The following PC variants were observed in gnomAD, a reference collection of about 807,000 sequenced individuals.
PC encodes pyruvate carboxylase, mitochondrial.
A neutral mutation model predicts 107.8 loss-of-function variants in PC; 46 were observed. That is an observed-to-expected ratio of 0.43 (90% CI 0.34 to 0.55). The LOEUF (loss-of-function observed/expected upper bound fraction) is 0.55. PC is among the 20% of genes least tolerant of loss of function. The probability of loss-of-function intolerance (pLI) is 0.04; values close to 1 mark genes in which losing one functional copy is unlikely to be tolerated. For missense variants in PC, 1,241 were observed against 1,643.1 expected, an observed-to-expected ratio of 0.76 and a Z score of 4.23; for synonymous variants, 662 against 684.7, an observed-to-expected ratio of 0.97 and a Z score of 0.52.
intron 10 of PC, 92 bp downstream of exon 10, chr11:66,868,754 G>A (rs1946602955): frequency 2.1e-6 from 2 of 931,972 alleles, no homozygotes; most frequent in African/African-American, 1.6e-5. Context: ...GAGTGAGCAA[G>A]CCCCCTGGCT....
chr11:66,951,742 T>A (rs902285610), intron 3 of PC, among the ~76,000 whole-genome samples: 2 of 151,604 alleles, frequency 1.3e-5, no homozygotes, highest in African/African-American at 4.8e-5. Flanking sequence ...ATACAAAAAT[T>A]AGCTGGGCAT....
chr11:66,951,046 C>G (rs1949423892), intron 3 of PC, among the ~76,000 whole-genome samples: 1 of 152,120 alleles, frequency 6.6e-6, no homozygotes, highest in African/African-American at 2.4e-5. Context: ...CAGACGGCAC[C>G]TGCTGGCCCA....
At chr11:66,879,444 G>C (rs943803640) in intron 3 of PC, among the ~76,000 whole-genome samples, 4 of 152,244 alleles carry the variant, frequency 2.6e-5, no homozygotes, top group Middle Eastern at 3.2e-3. Context: ...AGGTGTTGCA[G>C]AGAGGGGGGC....
At chr11:66,907,933 T>G (rs1948216993) in intron 3 of PC, 3 of 152,348 alleles carry the variant, frequency 2.0e-5, no homozygotes, top group Admixed American at 2.0e-4. Context: ...TAATCCCCTG[T>G]CAATGACTTT....
chr11:66,911,059 A>G (rs1336318300), intron 3 of PC, among the ~76,000 whole-genome samples: 2 of 152,218 alleles, frequency 1.3e-5, no homozygotes, highest in Non-Finnish European at 2.9e-5. Context: ...GAGGTAACGT[A>G]TTTTTGAAAT....
intron 12 of PC, chr11:66,859,487 A>G (rs1565227736): frequency 3.5e-6 from 5 of 1,446,098 alleles, no homozygotes; most frequent in East Asian, 4.8e-5. Flanking sequence ...TCCTGGCCAC[A>G]CTCTCCAGCC....
Position 66,858,774 on chromosome 11 carries a change from G to A in PC, c.1368+5000C>T. The stretch of plus-strand genomic sequence containing the variant: ...CTTAGAGATTGGGGTGACCGGCGCT[G>A]GGGACGCTGGGGGCTACACCTGCAT... On this transcript the variant is annotated intron_variant, in intron 12 of 22. Coordinates refer to ENST00000393960, the MANE Select transcript of PC (RefSeq NM_001040716.2). This position sits in a 1 kb window ranked among gnomAD's most constrained non-coding sequence, Gnocchi z 5.9. 6.5e-7 allele frequency: 1 copy of A among 1,549,990 alleles called. No homozygotes were observed. The highest frequency in any genetic ancestry group is 1.2e-5 in the South Asian group (1 of 84,368).
intron 12 of PC, 40 bp downstream of exon 12, chr11:66,863,734 G>A: frequency 2.5e-6 from 4 of 1,583,694 alleles, no homozygotes; most frequent in Non-Finnish European, 3.4e-6. Flanking sequence ...GGCCCTCCAA[G>A]GGCCGGGAGC....
rs753274377 is a variant in PC, at chr11:66,849,991, C to T, written c.2844G>A (p.Leu948=). The T allele has an allele frequency of 2.4e-5, 39 of 1,613,690 alleles. No homozygotes were observed. The highest frequency in any genetic ancestry group is 3.3e-5 in the Non-Finnish European group (39 of 1,180,026). Residue 948 remains leucine (L), a synonymous_variant, in exon 20 of 23, where the codon CTG becomes CTA. Coordinates refer to ENST00000393960, the MANE Select transcript of PC (RefSeq NM_001040716.2). The part of the protein sequence containing the change: ...LSFPRSVVEF[L]QGYIGVPHGG... ...CATGGGGGACACCGATGTAGCCCTG[C>T]AGGAACTCCACCACGGAGCGGGGAA...
intron 3 of PC, among the ~76,000 whole-genome samples, chr11:66,932,175 T>C (rs1298767723): frequency 6.6e-6 from 1 of 152,164 alleles, no homozygotes. Context: ...AGGAGACTCA[T>C]ACATTTCAAT....
Position 66,848,884 on chromosome 11 carries a change from C to T in PC, c.*15G>A, listed in dbSNP as rs45501894. On this transcript the variant is annotated 3_prime_UTR_variant, in exon 23 of 23. Coordinates refer to ENST00000393960, the MANE Select transcript of PC (RefSeq NM_001040716.2). ...GAAGGCTTGGGGATGGCCAGGCTGC[C>T]GGTCTGGGGCAAGATCACTCGATCT... 8.6e-5 allele frequency: 139 copies of T among 1,613,394 alleles called. 1 individual carries two copies. Among genetic ancestry groups the T allele is most frequent in the African/African-American group, 6.5e-4 (49 of 74,920 alleles).
rs1349472088 is a variant in PC at position 66,853,502 on chromosome 11, G to A, written c.1369-119C>T. ...TGCCCTGGGCCAGCACAGCTTCTGG[G>A]CCTCCCTGCAGAGGGGCACTTCCCC... is the stretch of plus-strand genomic sequence containing the variant. On this transcript the variant is annotated intron_variant, in intron 12 of 22. Transcript: ENST00000393960. 9.9e-6 allele frequency: 12 copies of A among 1,216,518 alleles called. No individual in the cohort carries two copies. The Admixed American group carries it at 1.9e-4, about 19-fold the overall frequency. 75.4% of individuals were successfully genotyped at this position (1,216,518 alleles called of 1,614,324 possible).
In PC at chr11:66,871,141, C is replaced by T. The variant is rs769564043; in HGVS notation, c.544G>A (p.Glu182Lys). Reference sequence around the variant, plus strand: ...GGGAAGCCGTAGGTGTTGGAGAACTCGTGGGCCTCATGCAGGGACGTGATG... The same window carrying T: ...GGGAAGCCGTAGGTGTTGGAGAACTTGTGGGCCTCATGCAGGGACGTGATG... Reference protein sequence around the residue: ...APITSLHEAHEFSNTYGFPII... With the variant: ...APITSLHEAHKFSNTYGFPII... Residue 182 changes from glutamate (E) to lysine (K), a missense_variant, in exon 7 of 23, where the codon GAG (glutamate) becomes AAG (lysine). This residue lies in a region of PC where 1,143 missense variants were observed against 1,551.9 expected (regional missense o/e 0.74). Coordinates refer to ENST00000393960, the MANE Select transcript of PC (RefSeq NM_001040716.2). This position sits in a 1 kb window ranked among gnomAD's most constrained non-coding sequence, Gnocchi z 7.4. 20 of 1,613,788 alleles carry T rather than the reference C, an allele frequency of 1.2e-5. No individual in the cohort carries two copies. The highest frequency in any genetic ancestry group is 6.6e-5 in the South Asian group (6 of 91,030).
At chr11:66,860,017 C>G (rs201187828) in intron 12 of PC, 2 of 1,587,856 alleles carry the variant, frequency 1.3e-6, no homozygotes, top group Admixed American at 3.5e-5. Flanking sequence ...CGGAGCCCCC[C>G]GCCCCGGCCG....
At chr11:66,921,878 G>A (rs938123275) in intron 3 of PC, among the ~76,000 whole-genome samples, 1 of 152,176 alleles carries the variant, frequency 6.6e-6, no homozygotes, top group Non-Finnish European at 1.5e-5. Flanking sequence ...CCACCCAAGA[G>A]TTCTAATCTC....
At chr11:66,924,369 C>CAAA (rs71045970) in intron 3 of PC, among the ~76,000 whole-genome samples, 5 of 65,564 alleles carry the variant, frequency 7.6e-5, no homozygotes, top group South Asian at 5.1e-4. Flanking sequence ...CCATCTCTAC[C>CAAA]AAAAAAAAAA....
In PC at chr11:66,866,942, T is replaced by C. The variant is rs765409264; in HGVS notation, c.1023-593A>G. 1.3e-5 allele frequency among the ~76,000 whole-genome samples: 2 copies of C among 152,158 alleles called. No homozygotes were observed. Among genetic ancestry groups the C allele is most frequent in the Non-Finnish European group, 2.9e-5 (2 of 68,018 alleles). ...GGACCTGTCCTTCTGAGGCCTGTTT[T>C]CCTGCTGGACTTGTGCCCAAAACCC... On this transcript the variant is annotated intron_variant, in intron 10 of 22. Transcript: ENST00000393960. The surrounding 1 kb of genome is among the most constrained non-coding windows in gnomAD (Gnocchi z 5.4).
intron 3 of PC, among the ~76,000 whole-genome samples, chr11:66,878,076 C>T (rs1403970851): frequency 6.6e-6 from 1 of 152,140 alleles, no homozygotes; most frequent in Admixed American, 6.5e-5. Flanking sequence ...GAAGGGAGCT[C>T]CTGCTACACC....
chr11:66,934,717 T>C (rs1314828175), intron 3 of PC, among the ~76,000 whole-genome samples: 3 of 152,128 alleles, frequency 2.0e-5, no homozygotes, highest in African/African-American at 7.2e-5. Flanking sequence ...CTGCAACCTC[T>C]ACCTCCTGGG....
Sources: allele counts gnomAD v4.1 joint callset (sites outside exome capture counted in the v4.1 genomes callset), GRCh38; gene constraint gnomAD v4.1.1; regional missense constraint gnomAD v4.1.1; non-coding constraint Gnocchi (gnomAD v3.1); transcripts MANE v1.5; gene names NCBI Gene and HGNC (gene_info 2026-07-23, HGNC 2026-07-21).